Variants in LARP1 observed in about 807,000 individuals in gnomAD.
The protein encoded by LARP1 is la-related protein 1.
A neutral mutation model predicts 122.7 loss-of-function variants in LARP1; 36 were observed. That is an observed-to-expected ratio of 0.29 (90% CI 0.22 to 0.39). The LOEUF (loss-of-function observed/expected upper bound fraction) is 0.39. LARP1 is among the 10% of genes least tolerant of loss of function. LARP1 has a pLI of 1.00. For synonymous variants in LARP1, 539 were observed against 528.7 expected, an observed-to-expected ratio of 1.02 and a Z score of -0.27; for missense variants, 1,040 against 1,403.6, an observed-to-expected ratio of 0.74 and a Z score of 4.14.
At chr5:154,703,252 C>T (rs1467700197) in intron 1 of LARP1, among the ~76,000 whole-genome samples, 5 of 151,832 alleles carry the variant, frequency 3.3e-5, no homozygotes, top group South Asian at 4.1e-4. Flanking sequence ...AGAACAGCTG[C>T]GCTGGGCGTT....
chr5:154,811,074 A>G (rs1215351759), intron 16 of LARP1, among the ~76,000 whole-genome samples, 173 bp from the exon 17 acceptor site: 1 of 152,232 alleles, frequency 6.6e-6, no homozygotes, highest in Non-Finnish European at 1.5e-5. Context: ...GAAATCTCTG[A>G]ACATTTTATG....
chr5:154,731,378 T>A (rs1756557006), intron 1 of LARP1, among the ~76,000 whole-genome samples: 1 of 152,216 alleles, frequency 6.6e-6, no homozygotes, highest in African/African-American at 2.4e-5. Flanking sequence ...ATCTTTAAAG[T>A]CCTGTTCAAA....
At chr5:154,695,012 AG>A (rs1469729258) in intron 1 of LARP1, among the ~76,000 whole-genome samples, 1 of 151,972 alleles carries the variant, frequency 6.6e-6, no homozygotes, top group Non-Finnish European at 1.5e-5. Flanking sequence ...CAAAATAAAA[AG>A]TTTTTTAAAA....
At chr5:154,767,837 T>C (rs1001934835) in intron 1 of LARP1, among the ~76,000 whole-genome samples, 5 of 151,850 alleles carry the variant, frequency 3.3e-5, no homozygotes, top group African/African-American at 1.2e-4. Context: ...GGGGTGGGGT[T>C]TGGAAATGGT....
chr5:154,765,096 TC>T (rs2113622834), intron 1 of LARP1, among the ~76,000 whole-genome samples: 1 of 152,102 alleles, frequency 6.6e-6, no homozygotes, highest in East Asian at 1.9e-4. Context: ...AAATTCAGAG[TC>T]CTTAGAGTGT....
intron 1 of LARP1, among the ~76,000 whole-genome samples, chr5:154,771,176 A>T (rs991220863): frequency 1.3e-5 from 2 of 151,936 alleles, no homozygotes; most frequent in Non-Finnish European, 2.9e-5. Flanking sequence ...TCAGTGAGTA[A>T]TAGCCTTTAT....
chr5:154,804,121 A>G (rs1758562512), intron 13 of LARP1, 80 bp from the exon 14 acceptor site: 7 of 987,736 alleles, frequency 7.1e-6, no homozygotes, highest in South Asian at 2.6e-5. Context: ...GATCATGCCC[A>G]TCTTAGTCCT....
chr5:154,770,856 T>C (rs1246329650), intron 1 of LARP1, among the ~76,000 whole-genome samples: 3 of 152,092 alleles, frequency 2.0e-5, no homozygotes, highest in African/African-American at 7.2e-5. Flanking sequence ...CTCATGCCTG[T>C]AATCCCAGCG....
intron 1 of LARP1, among the ~76,000 whole-genome samples, chr5:154,729,986 C>T (rs1756457684): frequency 6.6e-6 from 1 of 152,136 alleles, no homozygotes; most frequent in African/African-American, 2.4e-5. Flanking sequence ...GCAGAAAGAA[C>T]CGTGTAGCTG....
At chr5:154,756,601 C>T in intron 1 of LARP1, 2 of 658,244 alleles carry the variant, frequency 3.0e-6, no homozygotes, top group Non-Finnish European at 3.8e-6. Context: ...GTTTTGGTAG[C>T]GTTGCGAGCG....
intron 16 of LARP1, among the ~76,000 whole-genome samples, chr5:154,808,940 C>A (rs1046838359): frequency 6.6e-6 from 1 of 152,072 alleles, no homozygotes; most frequent in Non-Finnish European, 1.5e-5. Flanking sequence ...CACTACCACT[C>A]CTTTTGTTTA....
At chr5:154,797,885 G>T (rs893327991) in intron 8 of LARP1, among the ~76,000 whole-genome samples, 10 of 151,890 alleles carry the variant, frequency 6.6e-5, no homozygotes, top group Non-Finnish European at 1.2e-4. Flanking sequence ...AGGTCTTGCA[G>T]TGTTGCCCAG....
chr5:154,741,816 T>G (rs1752898575), intron 1 of LARP1, among the ~76,000 whole-genome samples: 1 of 152,168 alleles, frequency 6.6e-6, no homozygotes, highest in South Asian at 2.1e-4. Context: ...TGTTTGTTTT[T>G]AAGAGAGTGG....
At chr5:154,765,853 A>G (rs1754902387) in intron 1 of LARP1, among the ~76,000 whole-genome samples, 1 of 152,250 alleles carries the variant, frequency 6.6e-6, no homozygotes, top group Non-Finnish European at 1.5e-5. Context: ...GCATTCATTC[A>G]TTACATTTTG....
At chr5:154,711,269 G>A (rs2113291976), upstream of LARP1, among the ~76,000 whole-genome samples, 1 of 152,056 alleles carries the variant, frequency 6.6e-6, no homozygotes, top group South Asian at 2.1e-4. Context: ...AGCCTCCTGA[G>A]TAGCTGGGAT....
intron 16 of LARP1, among the ~76,000 whole-genome samples, chr5:154,809,695 A>G (rs1336661384): frequency 7.0e-6 from 1 of 142,380 alleles, no homozygotes; most frequent in South Asian, 2.2e-4. Flanking sequence ...CATTTATACT[A>G]TTTCTTTTTT....
At position 154,797,221 on chromosome 5, in the gene LARP1, G is replaced by GTTTTTTTTTTTTT. The variant is rs1158010359; in HGVS notation, c.1377+1919_1377+1931dup. On this transcript the variant is annotated intron_variant, in intron 8 of 18. Coordinates refer to ENST00000518297, the MANE Select transcript of LARP1 (RefSeq NM_033551.3). ...GGAGTTATTCTGTTTTGTTGTTGTT[G>GTTTTTTTTTTTTT]TTTTTTTTTTTTTTTTTTTTTTTTT... Among the ~76,000 whole-genome samples, 25 of 29,788 alleles carry GTTTTTTTTTTTTT rather than the reference G, an allele frequency of 8.4e-4. 2 individuals are homozygous for GTTTTTTTTTTTTT. Among genetic ancestry groups the GTTTTTTTTTTTTT allele is most frequent in the East Asian group, 1.2e-3 (1 of 828 alleles). 19.5% of individuals were successfully genotyped at this position (29,788 alleles called of 152,430 possible). A position where few individuals can be genotyped will look rare whatever the true frequency, so the allele number is the denominator to read the frequency against.
chr5:154,810,272 C>T (rs1759153538), intron 16 of LARP1, among the ~76,000 whole-genome samples: 1 of 151,064 alleles, frequency 6.6e-6, no homozygotes, highest in Non-Finnish European at 1.5e-5. Flanking sequence ...CCCGTCTCTA[C>T]TAAAAATACA....
At chr5:154,810,498 T>C (rs754567682) in intron 16 of LARP1, among the ~76,000 whole-genome samples, 1 of 152,058 alleles carries the variant, frequency 6.6e-6, no homozygotes, top group Non-Finnish European at 1.5e-5. Flanking sequence ...TTTGTTTTAT[T>C]TTATTTTGGA....
Sources: gnomAD v4.1 joint callset for allele counts (sites outside exome capture counted in the v4.1 genomes callset) on GRCh38, gnomAD v4.1.1 for gene constraint, MANE v1.5 for transcripts, NCBI Gene and HGNC (gene_info 2026-07-23, HGNC 2026-07-21) for gene names.